The following ASMTL variants were observed in gnomAD, a reference collection of about 807,000 sequenced individuals.
ASMTL encodes probable bifunctional dTTP/UTP pyrophosphatase/methyltransferase protein.
In ASMTL, 57 loss-of-function variants were observed where a neutral mutation model predicts 60.3. That is an observed-to-expected ratio of 0.95 (90% confidence interval 0.76 to 1.18). The LOEUF is 1.18. ASMTL is among the 50% of genes most tolerant of loss of function. The pLI is 0.00. For synonymous variants in ASMTL, 419 were observed against 373.0 expected (o/e 1.12, Z -1.42); for missense variants, 981 against 852.6 (o/e 1.15, Z -1.88).
chrX:1,437,061 TCTC>T (rs2090985395), intron 3 of ASMTL, among the ~76,000 whole-genome samples: 1 of 149,054 alleles, frequency 6.7e-6, no homozygotes, highest in South Asian at 2.2e-4. Flanking sequence ...TGTGTCCTCA[TCTC>T]CTCTTCTTAT....
intron 6 of ASMTL, 136 bp from the exon 7 acceptor site, chrX:1,428,257 C>T: frequency 9.1e-7 from 1 of 1,099,766 alleles, no homozygotes. Flanking sequence ...CACAGTGAAA[C>T]CCTGTCTCTA....
In ASMTL at chrX:1,403,142, G is replaced by A. The variant is rs1471665041; in HGVS notation, c.*127C>T. The stretch of plus-strand genomic sequence containing the variant: ...ACCCCTATGGAGGAGGCAGAGACAG[G>A]CTTTTGCTTTCTTTATTCAGTCACG... On this transcript the variant is annotated 3_prime_UTR_variant, in exon 13 of 13. Coordinates refer to ENST00000381317, the MANE Select transcript of ASMTL (RefSeq NM_004192.4). 26 of 754,456 alleles carry A rather than the reference G, an allele frequency of 3.4e-5. No homozygotes were observed. The highest frequency in any genetic ancestry group is 5.2e-5 in the Non-Finnish European group (23 of 442,648). The allele number at this position is 754,456 out of a possible 1,614,324, so 46.7% of individuals were successfully genotyped here. A position where few individuals can be genotyped will look rare whatever the true frequency, so the allele number is the denominator to read the frequency against.
chrX:1,419,730 CCAG>C (rs1233422656), intron 9 of ASMTL, among the ~76,000 whole-genome samples: 2 of 152,208 alleles, frequency 1.3e-5, no homozygotes, highest in African/African-American at 4.8e-5. Context: ...AGCCCCGCTC[CCAG>C]CAGGACAGCC....
In ASMTL at chrX:1,450,423, C is replaced by T. The variant is rs1309388317; in HGVS notation, c.93+2325G>A. ...TCCCTAGGGGTCCCAGGTCACTCCC[C>T]TCCCCCACCCCTAGGGGGTCCCGGG... On this transcript the variant is annotated intron_variant, in intron 1 of 12. Transcript: ENST00000381317. 2.0e-5 allele frequency among the ~76,000 whole-genome samples: 3 copies of T among 151,818 alleles called. No individual in the cohort carries two copies. The East Asian group carries it at 5.8e-4, about 29-fold the overall frequency.
chrX:1,448,051 A>C (rs112331139), intron 1 of ASMTL, among the ~76,000 whole-genome samples: 129 of 114,256 alleles, frequency 1.1e-3, no homozygotes, highest in Middle Eastern at 0.013. Flanking sequence ...CTTGGATAAG[A>C]ACCACCATCT....
intron 12 of ASMTL, among the ~76,000 whole-genome samples, chrX:1,411,167 G>C (rs1316012827): frequency 2.0e-5 from 3 of 151,898 alleles, no homozygotes; most frequent in Admixed American, 6.6e-5. Context: ...CTGGGCGACA[G>C]AGCGAGACTC....
intron 8 of ASMTL, among the ~76,000 whole-genome samples, chrX:1,422,512 T>C (rs5948854): frequency 0.67 from 101,536 of 151,768 alleles, 34,987 homozygotes; most frequent in South Asian, 0.87. Flanking sequence ...GGAACTTCAT[T>C]CTCCACCCAC....
At chrX:1,420,033 G>A (rs1428166601) in intron 9 of ASMTL, among the ~76,000 whole-genome samples, 18 of 27,378 alleles carry the variant, frequency 6.6e-4, no homozygotes, top group African/African-American at 7.8e-4. Flanking sequence ...ATCTCCCTCT[G>A]TCTCTGTCTC....
At chrX:1,450,910 ACT>A (rs1360883075) in intron 1 of ASMTL, among the ~76,000 whole-genome samples, 14 of 91,146 alleles carry the variant, frequency 1.5e-4, no homozygotes, top group Non-Finnish European at 3.0e-4. Context: ...GTCCCGGGTC[ACT>A]CTGCCCTCCC....
chrX:1,450,919 T>TC (rs2091355948), intron 1 of ASMTL, among the ~76,000 whole-genome samples: 1 of 83,264 alleles, frequency 1.2e-5, no homozygotes, highest in Non-Finnish European at 2.4e-5. Flanking sequence ...CACTCTGCCC[T>TC]CCCCATTCCT....
chrX:1,417,696 A>G (rs1376658214), intron 11 of ASMTL, among the ~76,000 whole-genome samples: 1 of 151,720 alleles, frequency 6.6e-6, no homozygotes, highest in Non-Finnish European at 1.5e-5. Flanking sequence ...CACACACCAG[A>G]GACGTGCACA....
At chrX:1,452,654 C>T (rs2091426380) in intron 1 of ASMTL, 94 bp downstream of exon 1, 3 of 1,046,596 alleles carry the variant, frequency 2.9e-6, no homozygotes, top group Non-Finnish European at 4.2e-6. Flanking sequence ...GGTCACTCTC[C>T]CATCCCTATC....
intron 5 of ASMTL, among the ~76,000 whole-genome samples, chrX:1,433,440 C>A (rs1350008447): frequency 1.5e-5 from 2 of 137,402 alleles, no homozygotes; most frequent in Non-Finnish European, 3.1e-5. Context: ...CCGAGGCGGG[C>A]GGATCACAAG....
At chrX:1,410,394 G>T (rs760579936) in intron 12 of ASMTL, among the ~76,000 whole-genome samples, 1 of 151,924 alleles carries the variant, frequency 6.6e-6, no homozygotes, top group Non-Finnish European at 1.5e-5. Flanking sequence ...TGACAGAGGG[G>T]GACTCCTATC....
Position 1,432,288 on chromosome X carries a change from C to T in ASMTL, c.490G>A (p.Val164Ile), listed in dbSNP as rs2090816764. The T allele has an allele frequency of 1.9e-6, 3 of 1,612,268 alleles. No homozygotes were observed. Among genetic ancestry groups the T allele is most frequent in the Non-Finnish European group, 2.5e-6 (3 of 1,179,396 alleles). ...ELSEELLWEYVHSGEPMDKAG... is the reference protein window; with the variant it reads ...ELSEELLWEYIHSGEPMDKAG... ...ACTCACATGGGCTCCCCGCTGTGGA[C>T]GTATTCCCAGAGCAGCTCCTCGGAC... Residue 164 changes from valine to isoleucine, a missense_variant, in exon 6 of 13, where the codon GTC (valine) becomes ATC (isoleucine). Val to Ile is a conservative substitution (Grantham distance 29). Transcript: ENST00000381317.
In ASMTL at chrX:1,405,761, A is replaced by C. The variant is rs191717144; in HGVS notation, c.1646-2272T>G. ...GGATGGATGGGTGAATAGATGGTAGATGATGGGTAGGTAGGAAGATGAATA... is the reference window on the plus strand; with the variant it reads ...GGATGGATGGGTGAATAGATGGTAGCTGATGGGTAGGTAGGAAGATGAATA... On this transcript the variant is annotated intron_variant, in intron 12 of 12. Transcript: ENST00000381317. 4.9e-3 allele frequency among the ~76,000 whole-genome samples: 726 copies of C among 149,306 alleles called. 8 individuals are homozygous for C. The highest frequency in any genetic ancestry group is 0.017 in the African/African-American group (687 of 40,376).
chrX:1,450,630 T>C lies in ASMTL; in HGVS notation c.93+2118A>G, dbSNP rs1488150718. ...CCCATCCCTAGGGGTTCTGGGTCAC[T>C]CTCCCCTCCCCCATCCCTAGGGGTT... On this transcript the variant is annotated intron_variant, in intron 1 of 12. Coordinates refer to ENST00000381317, the MANE Select transcript of ASMTL (RefSeq NM_004192.4). 1.0e-3 allele frequency among the ~76,000 whole-genome samples: 97 copies of C among 92,824 alleles called. 1 individual carries two copies. Among genetic ancestry groups the C allele is most frequent in the African/African-American group, 3.7e-3 (88 of 23,478 alleles). 60.9% of individuals were successfully genotyped at this position (92,824 alleles called of 152,430 possible). A position where few individuals can be genotyped will look rare whatever the true frequency, so the allele number is the denominator to read the frequency against.
At chrX:1,436,058 G>C (rs2090956380) in intron 3 of ASMTL, among the ~76,000 whole-genome samples, 1 of 152,180 alleles carries the variant, frequency 6.6e-6, no homozygotes, top group African/African-American at 2.4e-5. Flanking sequence ...GCGTTTGCCT[G>C]TTGCGGACGT....
In ASMTL at chrX:1,452,760, G is replaced by A; in HGVS notation, c.81C>T (p.Ile27=). Residue 27 remains isoleucine, a synonymous_variant, in exon 1 of 13, where the codon ATC becomes ATT. Coordinates refer to ENST00000381317, the MANE Select transcript of ASMTL (RefSeq NM_004192.4). ...LASASPRRQE[I]LSNAGLRFEV... Reference sequence around the variant, plus strand: ...GCCCAGGCCGTACCGCGTTGCTGAGGATCTCCTGACGGCGTGGGGAGGCGC... The same window carrying A: ...GCCCAGGCCGTACCGCGTTGCTGAGAATCTCCTGACGGCGTGGGGAGGCGC... 6.3e-7 allele frequency: 1 copy of A among 1,592,904 alleles called. No individual in the cohort carries two copies. Among genetic ancestry groups the A allele is most frequent in the Non-Finnish European group, 8.5e-7 (1 of 1,175,762 alleles).
Sources: gnomAD v4.1 joint callset for allele counts (sites outside exome capture counted in the v4.1 genomes callset) on GRCh38, gnomAD v4.1.1 for gene constraint, MANE v1.5 for transcripts, NCBI Gene and HGNC (gene_info 2026-07-23, HGNC 2026-07-21) for gene names.